Variants in SPOCK3 observed in about 807,000 individuals in gnomAD.
SPOCK3 encodes the protein SPARC (osteonectin), cwcv and kazal like domains proteoglycan 3, also known as testican-3.
In SPOCK3, 30 loss-of-function variants were observed where a neutral mutation model predicts 56.6. The ratio of observed to expected loss-of-function variants is 0.53; its 90% CI spans 0.40 to 0.72. SPOCK3 has a LOEUF of 0.72. SPOCK3 is among the 30% of genes least tolerant of loss of function. The pLI, the probability that SPOCK3 is intolerant of heterozygous loss-of-function variation, is 0.00. For missense variants in SPOCK3, 527 were observed against 530.0 expected (o/e 0.99, Z 0.06); for synonymous variants, 196 against 183.3 (o/e 1.07, Z -0.56).
At chr4:167,007,964 A>AT (rs1208062805) in intron 3 of SPOCK3, among the ~76,000 whole-genome samples, 10 of 152,130 alleles carry the variant, frequency 6.6e-5, no homozygotes, top group Non-Finnish European at 1.0e-4. Flanking sequence ...AAAGAAATAA[A>AT]TTTTTCACAT....
intron 7 of SPOCK3, among the ~76,000 whole-genome samples, chr4:166,778,835 T>C (rs1449400354): frequency 6.6e-6 from 1 of 152,122 alleles, no homozygotes; most frequent in Non-Finnish European, 1.5e-5. Flanking sequence ...CAATTTTTGC[T>C]GTTTTTTAAG....
chr4:167,181,470 G>A (rs1580536917), intron 2 of SPOCK3, among the ~76,000 whole-genome samples: 1 of 152,118 alleles, frequency 6.6e-6, no homozygotes, highest in Non-Finnish European at 1.5e-5. Context: ...TCAAGTTATT[G>A]CTTGTTTAAA....
At chr4:167,071,536 C>G (rs1756685668) in intron 2 of SPOCK3, among the ~76,000 whole-genome samples, 1 of 151,962 alleles carries the variant, frequency 6.6e-6, no homozygotes, top group African/African-American at 2.4e-5. Flanking sequence ...TGATGGTTTC[C>G]AGTTTCATCC....
At chr4:166,961,250 TAAAAAA>T (rs33983685) in intron 4 of SPOCK3, among the ~76,000 whole-genome samples, 1 of 145,796 alleles carries the variant, frequency 6.9e-6, no homozygotes, top group Non-Finnish European at 1.5e-5. Context: ...CCCACGAAAT[TAAAAAA>T]AAAAACTGCA....
At chr4:167,023,888 G>A (rs1013821283) in intron 3 of SPOCK3, among the ~76,000 whole-genome samples, 2 of 152,060 alleles carry the variant, frequency 1.3e-5, no homozygotes, top group African/African-American at 4.8e-5. Context: ...TACGCTGTAA[G>A]TCTGACCTCT....
chr4:167,211,556 C>T (rs1734875406), intron 2 of SPOCK3, among the ~76,000 whole-genome samples: 1 of 152,078 alleles, frequency 6.6e-6, no homozygotes, highest in Non-Finnish European at 1.5e-5. Flanking sequence ...CAGGTCTTTC[C>T]TATGCTGTTC....
intron 7 of SPOCK3, among the ~76,000 whole-genome samples, chr4:166,782,157 T>C (rs1296101960): frequency 2.0e-5 from 3 of 152,122 alleles, no homozygotes; most frequent in East Asian, 3.9e-4. Context: ...ACACAATAAA[T>C]TAGAGTTTAC....
At chr4:167,122,838 C>A (rs1761975461) in intron 2 of SPOCK3, among the ~76,000 whole-genome samples, 1 of 151,940 alleles carries the variant, frequency 6.6e-6, no homozygotes, top group Admixed American at 6.6e-5. Flanking sequence ...CAATAATCAA[C>A]TCAATAAAAT....
chr4:166,832,935 AAACT>A (rs943837664), intron 6 of SPOCK3, among the ~76,000 whole-genome samples: 3 of 152,256 alleles, frequency 2.0e-5, no homozygotes, highest in East Asian at 1.9e-4. Context: ...GAGGATTGAA[AAACT>A]AACTATTAGG....
intron 2 of SPOCK3, among the ~76,000 whole-genome samples, chr4:167,213,099 T>C (rs1735035858): frequency 6.6e-6 from 1 of 152,228 alleles, no homozygotes. Context: ...CAGCATGTGA[T>C]TGAATCGTTT....
chr4:167,105,087 C>G (rs28881896), intron 2 of SPOCK3, among the ~76,000 whole-genome samples: 9,617 of 151,926 alleles, frequency 0.063, 486 homozygotes, highest in African/African-American at 0.14. Context: ...TCAACCAGAT[C>G]TATCCTACAA....
At chr4:166,838,649 C>T (rs761082278) in intron 6 of SPOCK3, among the ~76,000 whole-genome samples, 1 of 148,056 alleles carries the variant, frequency 6.8e-6, no homozygotes, top group South Asian at 2.4e-4. Context: ...TTTATCATTG[C>T]TACATTAAAA....
At chr4:166,846,609 T>A (rs1051337410) in intron 6 of SPOCK3, among the ~76,000 whole-genome samples, 1 of 152,118 alleles carries the variant, frequency 6.6e-6, no homozygotes. Flanking sequence ...CTTTAAAGCC[T>A]GTTTTTATTT....
At chr4:166,899,504 C>CTTT (rs1553997540) in intron 5 of SPOCK3, among the ~76,000 whole-genome samples, 1 of 78,310 alleles carries the variant, frequency 1.3e-5, no homozygotes, top group African/African-American at 4.0e-5. Context: ...GTATTTCTTT[C>CTTT]TTTCTTTTTT....
chr4:166,935,810 A>G (rs1468300604), intron 4 of SPOCK3, among the ~76,000 whole-genome samples: 2 of 152,216 alleles, frequency 1.3e-5, no homozygotes, highest in East Asian at 3.9e-4. Context: ...TCTAAACAAA[A>G]GTGATAGCAG....
intron 8 of SPOCK3, among the ~76,000 whole-genome samples, chr4:166,750,076 A>G (rs28469298): frequency 0.33 from 49,650 of 152,010 alleles, 8,302 homozygotes; most frequent in Admixed American, 0.41. Flanking sequence ...TACCAGCGTT[A>G]CAAGCTCTGT....
At chr4:166,801,827 A>G (rs2126690729) in intron 6 of SPOCK3, among the ~76,000 whole-genome samples, 1 of 152,314 alleles carries the variant, frequency 6.6e-6, no homozygotes, top group Admixed American at 6.5e-5. Context: ...AGTAGCATAA[A>G]TGGCAGGAAT....
intron 2 of SPOCK3, among the ~76,000 whole-genome samples, chr4:167,232,609 C>G (rs1737289766): frequency 1.3e-5 from 2 of 152,178 alleles, no homozygotes; most frequent in African/African-American, 2.4e-5. Context: ...ACTCGCTATC[C>G]TTTTTGCTTG....
At chr4:166,917,632 G>T (rs2127119473) in intron 4 of SPOCK3, among the ~76,000 whole-genome samples, 2 of 152,212 alleles carry the variant, frequency 1.3e-5, no homozygotes, top group Middle Eastern at 3.4e-3. Flanking sequence ...TCACTCACTT[G>T]TGATAGTGAG....
Sources: allele counts gnomAD v4.1 joint callset (sites outside exome capture counted in the v4.1 genomes callset), GRCh38; gene constraint gnomAD v4.1.1; transcripts MANE v1.5; gene names NCBI Gene and HGNC (gene_info 2026-07-23, HGNC 2026-07-21).